PKHD1: variants seen among roughly 807,000 people sequenced by gnomAD.
PKHD1 encodes the protein PKHD1 ciliary IPT domain containing fibrocystin/polyductin.
Under a neutral mutation model 412.0 loss-of-function variants are expected in PKHD1, and 291 were observed. That is an observed-to-expected ratio of 0.71 (90% CI 0.64 to 0.78). The LOEUF is 0.78. PKHD1 is among the 30% of genes least tolerant of loss of function. The probability of loss-of-function intolerance (pLI) is 0.00; values close to 1 mark genes in which losing one functional copy is unlikely to be tolerated. For missense variants in PKHD1, 4,825 were observed against 4,950.7 expected (o/e 0.97, Z 0.76); for synonymous variants, 1,777 against 1,821.5 (o/e 0.98, Z 0.62).
At chr6:51,827,851 G>A (rs1344426610) in intron 52 of PKHD1, among the ~76,000 whole-genome samples, 2 of 152,014 alleles carry the variant, frequency 1.3e-5, no homozygotes, top group Non-Finnish European at 1.5e-5. Context: ...GGAAAGGGGT[G>A]TTCATTTGAA....
Position 51,659,482 on chromosome 6 carries a change from T to C in PKHD1, c.10644A>G (p.Gln3548=), listed in dbSNP as rs1265990310. The part of the protein sequence containing the change: ...IMDNLLYVVL[Q]GEEPIEIRSG... ...AGCGTATTTCAATGGGCTCCTCTCCTTGTAGGACAACATACAAGAGGTTAT... is the reference window on the plus strand; with the variant it reads ...AGCGTATTTCAATGGGCTCCTCTCCCTGTAGGACAACATACAAGAGGTTAT... Residue 3548 remains glutamine (Q), a synonymous_variant, in exon 61 of 67, where the codon CAA becomes CAG. Coordinates refer to ENST00000371117, the MANE Select transcript of PKHD1 (RefSeq NM_138694.4). 1 of 1,613,664 alleles carries C rather than the reference T, an allele frequency of 6.2e-7. No individual in the cohort carries two copies. Among genetic ancestry groups the C allele is most frequent in the South Asian group, 1.1e-5 (1 of 91,070 alleles).
intron 35 of PKHD1, among the ~76,000 whole-genome samples, chr6:52,009,382 T>C (rs1457295275): frequency 6.6e-6 from 1 of 152,230 alleles, no homozygotes; most frequent in African/African-American, 2.4e-5. Flanking sequence ...AACACACATT[T>C]TGAAGCCAGG....
At chr6:51,947,252 C>G (rs1013409693) in intron 36 of PKHD1, among the ~76,000 whole-genome samples, 6 of 152,206 alleles carry the variant, frequency 3.9e-5, no homozygotes, top group Non-Finnish European at 7.3e-5. Flanking sequence ...CCTCTCCTCA[C>G]TTGCCCAGCC....
intron 37 of PKHD1, among the ~76,000 whole-genome samples, chr6:51,922,591 C>T (rs1472700510): frequency 6.6e-6 from 1 of 152,202 alleles, no homozygotes; most frequent in African/African-American, 2.4e-5. Flanking sequence ...CTGCGGTGGG[C>T]TCCACTCAGT....
intron 47 of PKHD1, among the ~76,000 whole-genome samples, chr6:51,869,191 A>G (rs957933850): frequency 6.6e-6 from 1 of 152,126 alleles, no homozygotes; most frequent in Non-Finnish European, 1.5e-5. Context: ...CATTTCAGTC[A>G]TACTGGACTT....
At chr6:51,724,137 G>A (rs957240778) in intron 60 of PKHD1, among the ~76,000 whole-genome samples, 3 of 152,078 alleles carry the variant, frequency 2.0e-5, no homozygotes, top group African/African-American at 7.2e-5. Context: ...TCTTCTGAGG[G>A]CAGCTGCAAA....
intron 9 of PKHD1, 72 bp from the exon 10 acceptor site, chr6:52,070,517 A>G: frequency 9.0e-7 from 1 of 1,115,782 alleles, no homozygotes. Context: ...TTGCTTTCAT[A>G]AGCCCAAAGA....
At chr6:51,869,673 A>G (rs1360181585) in intron 47 of PKHD1, among the ~76,000 whole-genome samples, 5 of 152,108 alleles carry the variant, frequency 3.3e-5, no homozygotes, top group Non-Finnish European at 7.4e-5. Flanking sequence ...AGAATTGAGG[A>G]ATTGCGATTG....
At chr6:52,083,770 G>A (rs1812372196) in intron 2 of PKHD1, among the ~76,000 whole-genome samples, 1 of 151,858 alleles carries the variant, frequency 6.6e-6, no homozygotes, top group Non-Finnish European at 1.5e-5. Flanking sequence ...CCTTTTAATG[G>A]CAAAACCGCG....
At chr6:52,010,223 G>A (rs980693032) in intron 35 of PKHD1, 86 bp downstream of exon 35, 5 of 1,173,260 alleles carry the variant, frequency 4.3e-6, no homozygotes, top group Admixed American at 1.8e-5. Context: ...GCTGCCATTT[G>A]GACTAAATTG....
chr6:51,776,529 G>A (rs144695513), intron 53 of PKHD1, among the ~76,000 whole-genome samples: 14 of 152,034 alleles, frequency 9.2e-5, no homozygotes, highest in African/African-American at 3.4e-4. Flanking sequence ...CACTGTCTAT[G>A]GCTAGATAAC....
chr6:51,896,010 G>A (rs1779885648), intron 43 of PKHD1, among the ~76,000 whole-genome samples: 1 of 152,204 alleles, frequency 6.6e-6, no homozygotes, highest in Admixed American at 6.5e-5. Flanking sequence ...CTGGCTCGGA[G>A]GGTCCTATGC....
Position 51,619,243 on chromosome 6 carries a change from G to A in PKHD1, c.12063C>T (p.Cys4021=). The A allele has an allele frequency of 6.2e-7, 1 of 1,614,260 alleles. No individual in the cohort carries two copies. The highest frequency in any genetic ancestry group is 1.1e-5 in the South Asian group (1 of 91,090). ...LAGQNQLLLL[C]PDFRQERQQL... ...GCTGCCTCTCTTGTCTGAAGTCTGG[G>A]CATAGCAGCAGCAGCTGATTTTGGC... Residue 4021 remains cysteine (C), a synonymous_variant, in exon 67 of 67, where the codon TGC becomes TGT. Coordinates refer to ENST00000371117, the MANE Select transcript of PKHD1 (RefSeq NM_138694.4).
chr6:52,015,620 C>T (rs951619989), intron 34 of PKHD1, among the ~76,000 whole-genome samples: 2 of 151,910 alleles, frequency 1.3e-5, no homozygotes, highest in African/African-American at 2.4e-5. Context: ...GTCAGGAGAT[C>T]GAGACCATCC....
intron 36 of PKHD1, among the ~76,000 whole-genome samples, chr6:51,950,039 G>A (rs574070500): frequency 1.7e-4 from 26 of 151,350 alleles, no homozygotes; most frequent in African/African-American, 5.3e-4. Flanking sequence ...TCACTTTAAC[G>A]GTATTTTAAT....
At chr6:52,086,355 C>A (rs1479675776) in intron 1 of PKHD1, among the ~76,000 whole-genome samples, 1 of 151,988 alleles carries the variant, frequency 6.6e-6, no homozygotes, top group Admixed American at 6.6e-5. Flanking sequence ...AAGTGATCTC[C>A]CTGCCTCAGC....
intron 19 of PKHD1, 49 bp from the exon 20 acceptor site, chr6:52,054,214 C>A: frequency 6.3e-7 from 1 of 1,598,388 alleles, no homozygotes; most frequent in Non-Finnish European, 8.6e-7. Context: ...AAGAAGCAGT[C>A]ATTCAAACAA....
intron 35 of PKHD1, among the ~76,000 whole-genome samples, chr6:51,976,278 T>C (rs954068892): frequency 6.6e-6 from 1 of 152,230 alleles, no homozygotes; most frequent in African/African-American, 2.4e-5. Flanking sequence ...CAAAATGTGA[T>C]ATATACATTC....
chr6:51,944,660 C>T (rs1561949775), intron 36 of PKHD1, among the ~76,000 whole-genome samples: 2 of 152,208 alleles, frequency 1.3e-5, no homozygotes, highest in Non-Finnish European at 2.9e-5. Context: ...AAACCCCTAA[C>T]CTCTGAGCCT....
Sources: allele counts gnomAD v4.1 joint callset (sites outside exome capture counted in the v4.1 genomes callset), GRCh38; gene constraint gnomAD v4.1.1; transcripts MANE v1.5; gene names NCBI Gene and HGNC (gene_info 2026-07-23, HGNC 2026-07-21).